Variants in PRKG1 observed in about 807,000 individuals in gnomAD.
PRKG1 encodes cGMP-dependent protein kinase 1.
In PRKG1, 35 loss-of-function variants were observed where a neutral mutation model predicts 88.1. That is an observed-to-expected ratio of 0.40 (90% CI 0.30 to 0.53). PRKG1 has a LOEUF of 0.53. Ranked by LOEUF, PRKG1 falls within the 20% of genes least tolerant of loss-of-function variation. The pLI is 0.59. For missense variants in PRKG1, 540 were observed against 839.8 expected, an observed-to-expected ratio of 0.64 and a Z score of 4.41; for synonymous variants, 303 against 292.5, an observed-to-expected ratio of 1.04 and a Z score of -0.37.
intron 3 of PRKG1, among the ~76,000 whole-genome samples, chr10:51,628,362 T>A (rs555507685): frequency 6.6e-6 from 1 of 151,324 alleles, no homozygotes; most frequent in South Asian, 2.1e-4. Flanking sequence ...GAGGTCTCAC[T>A]ATGTTGCCCA....
Position 52,014,889 on chromosome 10 carries a change from G to A in PRKG1, c.763-39595G>A, listed in dbSNP as rs557351153. Among the ~76,000 whole-genome samples, 4 of 152,334 alleles carry A rather than the reference G, an allele frequency of 2.6e-5. No homozygotes were observed. The East Asian group carries it at 5.8e-4, about 22-fold the overall frequency. On this transcript the variant is annotated intron_variant, in intron 5 of 17. Coordinates refer to ENST00000373980, the MANE Select transcript of PRKG1 (RefSeq NM_006258.4). ...TTTGACTCCATGTCTCACATTCAGG[G>A]CACACTGATGCAAGGCATAGGTTCC... is the stretch of plus-strand genomic sequence containing the variant.
chr10:51,853,093 G>A (rs1840598640), intron 4 of PRKG1, among the ~76,000 whole-genome samples: 1 of 152,120 alleles, frequency 6.6e-6, no homozygotes, highest in Admixed American at 6.6e-5. Flanking sequence ...GTAAGGGCTA[G>A]TGATATCTGG....
chr10:51,607,619 A>G (rs1838800334), intron 3 of PRKG1, among the ~76,000 whole-genome samples: 1 of 152,206 alleles, frequency 6.6e-6, no homozygotes, highest in Non-Finnish European at 1.5e-5. Flanking sequence ...CATTACAGTC[A>G]GCAGAACCTG....
rs973412333 is a variant in PRKG1, at chr10:52,297,589, C to T, written c.*3689C>T. ...CTGTGTATCTGTTAATGAGATACAG[C>T]GTCATTTCTGTGAAATGTATAAATG... is the stretch of plus-strand genomic sequence containing the variant. On this transcript the variant is annotated 3_prime_UTR_variant, in exon 18 of 18. Transcript: ENST00000373980. 4.6e-5 allele frequency: 7 copies of T among 152,048 alleles called. No homozygotes were observed. Among genetic ancestry groups the T allele is most frequent in the Non-Finnish European group, 7.4e-5 (5 of 68,016 alleles). 9.4% of individuals were successfully genotyped at this position (152,048 alleles called of 1,614,324 possible).
intron 3 of PRKG1, among the ~76,000 whole-genome samples, chr10:51,627,879 C>CCCTTCCTTCCCTTCCTTCCCT (rs1839378720): frequency 9.7e-5 from 7 of 72,004 alleles, no homozygotes; most frequent in African/African-American, 2.6e-4. Flanking sequence ...TCCTTCCCTT[C>CCCTTCCTTCCCTTCCTTCCCT]CCTTCCCTTC....
intron 9 of PRKG1, among the ~76,000 whole-genome samples, chr10:52,189,236 T>A: frequency 6.6e-6 from 1 of 152,218 alleles, no homozygotes; most frequent in East Asian, 1.9e-4. Flanking sequence ...TAAGATGTGT[T>A]GCTGATAAAA....
intron 4 of PRKG1, among the ~76,000 whole-genome samples, chr10:51,845,320 T>G (rs1281464903): frequency 1.3e-5 from 2 of 152,190 alleles, no homozygotes; most frequent in Non-Finnish European, 2.9e-5. Context: ...CACCACCTCT[T>G]GTGTAATGCC....
chr10:51,352,975 A>G lies in PRKG1; in HGVS notation c.479-114748A>G, dbSNP rs529665274. ...CAAAGACCAACGGAACAGATAGAGA[A>G]CCCAGAAACAAATCCACACATCTAC... On this transcript the variant is annotated intron_variant, in intron 2 of 17. Coordinates refer to ENST00000373980, the MANE Select transcript of PRKG1 (RefSeq NM_006258.4). Among the ~76,000 whole-genome samples, 36 of 152,188 alleles carry G rather than the reference A, an allele frequency of 2.4e-4. No homozygotes were observed. In the South Asian group the frequency reaches 7.2e-3, roughly 31 times the overall value.
In PRKG1 at chr10:51,453,951, A is replaced by G. The variant is rs577908959; in HGVS notation, c.479-13772A>G. 3.9e-5 allele frequency among the ~76,000 whole-genome samples: 6 copies of G among 152,248 alleles called. No homozygotes were observed. The South Asian group carries it at 1.2e-3, about 32-fold the overall frequency. On this transcript the variant is annotated intron_variant, in intron 2 of 17. Coordinates refer to ENST00000373980, the MANE Select transcript of PRKG1 (RefSeq NM_006258.4). ...ATCAGTAGCACTGCTATACACCAAC[A>G]GTGACCAAGCTGAGAGTCAAATCAA...
chr10:51,178,442 G>A (rs552819701), intron 2 of PRKG1, among the ~76,000 whole-genome samples: 1 of 152,090 alleles, frequency 6.6e-6, no homozygotes, highest in African/African-American at 2.4e-5. Flanking sequence ...ACTTAGACCA[G>A]CCTGGAGAAC....
At chr10:51,835,173 G>T (rs1281924984) in intron 4 of PRKG1, among the ~76,000 whole-genome samples, 2 of 152,172 alleles carry the variant, frequency 1.3e-5, no homozygotes, top group East Asian at 3.9e-4. Flanking sequence ...TCTGTCCCCA[G>T]AGAGGGGACA....
chr10:51,705,805 T>C (rs1416469858), intron 3 of PRKG1, among the ~76,000 whole-genome samples: 1 of 152,250 alleles, frequency 6.6e-6, no homozygotes, highest in African/African-American at 2.4e-5. Flanking sequence ...ACAAACCATT[T>C]GGCTTAAGAA....
chr10:52,053,422 T>C (rs1291429542), intron 5 of PRKG1, among the ~76,000 whole-genome samples: 1 of 152,148 alleles, frequency 6.6e-6, no homozygotes, highest in African/African-American at 2.4e-5. Context: ...TATTGAAGCA[T>C]AAGGACAAAT....
chr10:51,290,738 C>T (rs1564432013), intron 2 of PRKG1, among the ~76,000 whole-genome samples: 1 of 152,110 alleles, frequency 6.6e-6, no homozygotes, highest in African/African-American at 2.4e-5. Context: ...AGACATTTCC[C>T]TAGCCCGCAT....
intron 7 of PRKG1, among the ~76,000 whole-genome samples, chr10:52,070,721 C>G (rs183918176): frequency 6.6e-6 from 1 of 152,254 alleles, no homozygotes; most frequent in Admixed American, 6.5e-5. Flanking sequence ...GGCAGATTGT[C>G]TCAGATGGTC....
intron 3 of PRKG1, among the ~76,000 whole-genome samples, chr10:51,605,124 G>A (rs1409720539): frequency 6.6e-6 from 1 of 152,284 alleles, no homozygotes; most frequent in East Asian, 1.9e-4. Context: ...GCGTTGTTCT[G>A]CCATCACTGG....
At chr10:51,000,476 G>A (rs1489543342) in intron 1 of PRKG1, among the ~76,000 whole-genome samples, 1 of 152,172 alleles carries the variant, frequency 6.6e-6, no homozygotes, top group Non-Finnish European at 1.5e-5. Context: ...TTGACTCTGT[G>A]TCACTTAACG....
chr10:51,361,490 A>T (rs1279774561), intron 2 of PRKG1, among the ~76,000 whole-genome samples: 1 of 151,908 alleles, frequency 6.6e-6, no homozygotes, highest in East Asian at 1.9e-4. Flanking sequence ...GGTCTACGTA[A>T]TTCATTAAAT....
chr10:52,008,371 G>A lies in PRKG1; in HGVS notation c.763-46113G>A, dbSNP rs188332549. ...TTTTGAAAAAATTAATAAGATAGAC[G>A]ACTAGTTAGACTAATAAAGAGAAGA... On this transcript the variant is annotated intron_variant, in intron 5 of 17. Transcript: ENST00000373980. Among the ~76,000 whole-genome samples, 415 of 151,816 alleles carry A rather than the reference G, an allele frequency of 2.7e-3. 2 individuals are homozygous for A. Among genetic ancestry groups the A allele is most frequent in the Non-Finnish European group, 3.1e-3 (211 of 67,792 alleles).
Sources: gnomAD v4.1 joint callset for allele counts (sites outside exome capture counted in the v4.1 genomes callset) on GRCh38, gnomAD v4.1.1 for gene constraint, MANE v1.5 for transcripts, NCBI Gene and HGNC (gene_info 2026-07-23, HGNC 2026-07-21) for gene names.